CNOT6: variants seen among roughly 807,000 people sequenced by gnomAD.
CNOT6 encodes the protein CCR4-NOT transcription complex subunit 6, also known as carbon catabolite repression 4 protein.
A neutral mutation model predicts 61.2 loss-of-function variants in CNOT6; 12 were observed. The ratio of observed to expected loss-of-function variants is 0.20; its 90% CI spans 0.13 to 0.32. CNOT6 has a LOEUF of 0.32. CNOT6 is among the 10% of genes least tolerant of loss of function. The pLI, the probability that CNOT6 is intolerant of heterozygous loss-of-function variation, is 1.00. For synonymous variants in CNOT6, 225 were observed against 240.6 expected (o/e 0.94, Z 0.60); for missense variants, 405 against 663.9 (o/e 0.61, Z 4.28).
At chr5:180,541,532 A>G (rs182473195) in intron 2 of CNOT6, among the ~76,000 whole-genome samples, 653 of 139,346 alleles carry the variant, frequency 4.7e-3, no homozygotes, top group Middle Eastern at 9.3e-3. Context: ...GCTCACTGCA[A>G]GCTCCGCCTC....
In CNOT6 at chr5:180,529,261, T is replaced by C. The variant is rs1758240199; in HGVS notation, c.-2-14T>C. ...TGATTTTTTAGAATACTGATTGGTT[T>C]CTTTTCTTAACAGGCATGCCCAAAG... On this transcript the variant is annotated splice_polypyrimidine_tract_variant and intron_variant, in intron 1 of 11. Transcript: ENST00000261951. 4 of 1,438,680 alleles carry C rather than the reference T, an allele frequency of 2.8e-6. No individual in the cohort carries two copies. Among genetic ancestry groups the C allele is most frequent in the Non-Finnish European group, 3.9e-6 (4 of 1,024,844 alleles). The allele number at this position is 1,438,680 out of a possible 1,614,324, so 89.1% of individuals were successfully genotyped here.
At chr5:180,554,920 A>G (rs1281928339) in intron 4 of CNOT6, among the ~76,000 whole-genome samples, 1 of 151,794 alleles carries the variant, frequency 6.6e-6, no homozygotes, top group Non-Finnish European at 1.5e-5. Context: ...ATCTTACACT[A>G]TATATTTTAC....
At chr5:180,528,146 C>T (rs1758188413) in intron 1 of CNOT6, among the ~76,000 whole-genome samples, 1 of 152,056 alleles carries the variant, frequency 6.6e-6, no homozygotes, top group Admixed American at 6.6e-5. Flanking sequence ...TTTTATTAAC[C>T]ATTGATCATT....
chr5:180,502,804 T>C (rs1174508619), intron 1 of CNOT6, among the ~76,000 whole-genome samples: 3 of 152,236 alleles, frequency 2.0e-5, no homozygotes, highest in Non-Finnish European at 4.4e-5. Context: ...CTAAGTTAAA[T>C]CAAAAATTGT....
intron 2 of CNOT6, among the ~76,000 whole-genome samples, chr5:180,530,330 G>A (rs913673973): frequency 6.6e-6 from 1 of 152,180 alleles, no homozygotes; most frequent in African/African-American, 2.4e-5. Flanking sequence ...ATGACATTAG[G>A]GAGTGAGAGG....
At chr5:180,550,194 C>T (rs541760470) in intron 3 of CNOT6, 77 bp downstream of exon 3, 20 of 1,144,882 alleles carry the variant, frequency 1.7e-5, no homozygotes, top group Non-Finnish European at 2.5e-5. Context: ...GTGGCTTATG[C>T]CTGTAATTCT....
chr5:180,501,637 A>G (rs1561629009), intron 1 of CNOT6, among the ~76,000 whole-genome samples: 1 of 152,324 alleles, frequency 6.6e-6, no homozygotes, highest in Admixed American at 6.5e-5. Flanking sequence ...GTTAAGAATT[A>G]TGGACTCTGC....
chr5:180,512,722 G>A (rs1002659531), intron 1 of CNOT6, among the ~76,000 whole-genome samples: 4 of 151,944 alleles, frequency 2.6e-5, no homozygotes, highest in East Asian at 1.9e-4. Context: ...TCAGCCTCCC[G>A]AGTAGCTGGG....
intron 1 of CNOT6, among the ~76,000 whole-genome samples, chr5:180,523,395 A>C (rs1431864548): frequency 6.6e-6 from 1 of 151,962 alleles, no homozygotes; most frequent in Non-Finnish European, 1.5e-5. Flanking sequence ...GGTTTTTACT[A>C]TTTTGTAACT....
chr5:180,553,871 T>C (rs1452927273), intron 4 of CNOT6, among the ~76,000 whole-genome samples: 1 of 152,172 alleles, frequency 6.6e-6, no homozygotes, highest in Non-Finnish European at 1.5e-5. Context: ...CTGCTGATGA[T>C]CAAGATTTAA....
At chr5:180,509,003 A>G (rs1030729026) in intron 1 of CNOT6, among the ~76,000 whole-genome samples, 21 of 151,750 alleles carry the variant, frequency 1.4e-4, no homozygotes, top group Admixed American at 7.9e-4. Flanking sequence ...TTGTATTTTT[A>G]GTAGAGACAG....
At chr5:180,549,627 C>T (rs905691729) in intron 2 of CNOT6, among the ~76,000 whole-genome samples, 1 of 150,986 alleles carries the variant, frequency 6.6e-6, no homozygotes, top group African/African-American at 2.4e-5. Context: ...CCAGCCTGGG[C>T]AACAGAGCGA....
In CNOT6 at chr5:180,575,520, G is replaced by C. The variant is rs1295646859; in HGVS notation, c.*1320G>C. On this transcript the variant is annotated 3_prime_UTR_variant, in exon 12 of 12. Transcript: ENST00000261951. ...GAAGAAGTAATTTTCCATTTATGAA[G>C]CAGTATGAATTAGATGTATTTTCAA... 1 of 152,326 alleles carries C rather than the reference G, an allele frequency of 6.6e-6. No homozygotes were observed. The highest frequency in any genetic ancestry group is 1.5e-5 in the Non-Finnish European group (1 of 68,020). 9.4% of individuals were successfully genotyped at this position (152,326 alleles called of 1,614,324 possible).
intron 1 of CNOT6, among the ~76,000 whole-genome samples, chr5:180,521,586 C>T (rs539008620): frequency 2.1e-4 from 32 of 152,208 alleles, no homozygotes; most frequent in Non-Finnish European, 2.6e-4. Context: ...TATTTTAGAT[C>T]CAAGGGGTAC....
At chr5:180,497,393 T>G (rs183340236) in intron 1 of CNOT6, among the ~76,000 whole-genome samples, 1 of 152,180 alleles carries the variant, frequency 6.6e-6, no homozygotes, top group Admixed American at 6.5e-5. Flanking sequence ...ATTTGCCTTC[T>G]TATATTCTTT....
At chr5:180,573,220 C>G (rs1478360) in intron 11 of CNOT6, among the ~76,000 whole-genome samples, 70,739 of 151,824 alleles carry the variant, frequency 0.47, 17,509 homozygotes, top group Non-Finnish European at 0.56. Flanking sequence ...GAGGGGAGGA[C>G]CAGAACCATC....
At chr5:180,528,745 G>A (rs1758211637) in intron 1 of CNOT6, among the ~76,000 whole-genome samples, 1 of 152,208 alleles carries the variant, frequency 6.6e-6, no homozygotes, top group South Asian at 2.1e-4. Flanking sequence ...TAGTTGGTCA[G>A]TGGAAGCTTC....
At chr5:180,552,582 C>T (rs937231327) in intron 3 of CNOT6, among the ~76,000 whole-genome samples, 4 of 150,878 alleles carry the variant, frequency 2.7e-5, no homozygotes, top group Non-Finnish European at 5.9e-5. Context: ...GGAGGCGGAG[C>T]TTGCAGTGAG....
intron 1 of CNOT6, among the ~76,000 whole-genome samples, chr5:180,496,264 T>G (rs971800718): frequency 2.0e-5 from 3 of 152,196 alleles, no homozygotes; most frequent in African/African-American, 7.2e-5. Context: ...TTGCTTAATA[T>G]CTTTAGATCT....
Sources: gnomAD v4.1 joint callset for allele counts (sites outside exome capture counted in the v4.1 genomes callset) on GRCh38, gnomAD v4.1.1 for gene constraint, MANE v1.5 for transcripts, NCBI Gene and HGNC (gene_info 2026-07-23, HGNC 2026-07-21) for gene names.